Variants in RALGPS1 observed in about 807,000 individuals in gnomAD.
RALGPS1 encodes the protein ras-specific guanine nucleotide-releasing factor RalGPS1.
In RALGPS1, 19 loss-of-function variants were observed where a neutral mutation model predicts 78.8. The observed-to-expected ratio is 0.24, with a 90% confidence interval of 0.17 to 0.35. RALGPS1 has a LOEUF of 0.35. Ranked by LOEUF, RALGPS1 falls within the 10% of genes least tolerant of loss-of-function variation. RALGPS1 has a pLI of 1.00. For missense variants in RALGPS1, 454 were observed against 688.3 expected (o/e 0.66, Z 3.81); for synonymous variants, 228 against 256.3 (o/e 0.89, Z 1.06).
chr9:126,921,097 C>G (rs952627982), intron 1 of RALGPS1, among the ~76,000 whole-genome samples: 1 of 152,320 alleles, frequency 6.6e-6, no homozygotes, highest in Middle Eastern at 3.4e-3. Flanking sequence ...ACAGAGTGCT[C>G]ACTATTGTAA....
At chr9:127,156,851 C>T (rs1051907853) in intron 8 of RALGPS1, among the ~76,000 whole-genome samples, 2 of 151,792 alleles carry the variant, frequency 1.3e-5, no homozygotes, top group African/African-American at 2.4e-5. Context: ...TTCAAGTACT[C>T]GTATTATTTA....
chr9:126,947,597 A>G lies in RALGPS1; in HGVS notation c.-65-14628A>G, dbSNP rs547722604. ...AAGTGGATGTTGGCCAGGTCAAGCA[A>G]CTGGCCAAGGGCACAAAGTAAGTGA... On this transcript the variant is annotated intron_variant, in intron 1 of 18. Transcript: ENST00000259351. 3.9e-5 allele frequency among the ~76,000 whole-genome samples: 6 copies of G among 152,334 alleles called. No homozygotes were observed. In the East Asian group the frequency reaches 1.2e-3, roughly 29 times the overall value.
At chr9:126,976,264 T>A (rs1039088535) in intron 3 of RALGPS1, among the ~76,000 whole-genome samples, 1 of 151,942 alleles carries the variant, frequency 6.6e-6, no homozygotes, top group Non-Finnish European at 1.5e-5. Flanking sequence ...CCCATCTGTG[T>A]GGCTTCCATT....
chr9:126,966,044 T>C, intron 3 of RALGPS1, 93 bp downstream of exon 3: 1 of 880,504 alleles, frequency 1.1e-6, no homozygotes, highest in South Asian at 1.4e-5. Context: ...ATTGGAAACA[T>C]TCTATATGCC....
intron 8 of RALGPS1, among the ~76,000 whole-genome samples, chr9:127,100,068 G>T (rs2053566137): frequency 6.6e-6 from 1 of 152,120 alleles, no homozygotes; most frequent in Non-Finnish European, 1.5e-5. Context: ...GTTAAATTTT[G>T]TCTTCATGAA....
chr9:127,035,755 T>A (rs1217884242), intron 5 of RALGPS1, among the ~76,000 whole-genome samples: 4 of 152,096 alleles, frequency 2.6e-5, no homozygotes, highest in Non-Finnish European at 5.9e-5. Flanking sequence ...TATTATTTGA[T>A]GAGATATAGT....
chr9:127,196,436 A>G, intron 12 of RALGPS1, 38 bp from the exon 13 acceptor site: 1 of 1,589,248 alleles, frequency 6.3e-7, no homozygotes, highest in Non-Finnish European at 8.6e-7. Flanking sequence ...CTCCATAGAT[A>G]AGGAGCTTTG....
intron 18 of RALGPS1, chr9:127,216,950 G>A (rs2062621508): frequency 1.9e-6 from 3 of 1,547,850 alleles, no homozygotes; most frequent in African/African-American, 2.7e-5. Context: ...ACAGCCACGA[G>A]GTGGACCACC....
chr9:127,167,488 TC>T (rs2059353994), intron 9 of RALGPS1, among the ~76,000 whole-genome samples: 1 of 152,172 alleles, frequency 6.6e-6, no homozygotes, highest in African/African-American at 2.4e-5. Flanking sequence ...AGTCACTTTC[TC>T]CCCTTGAAGG....
intron 1 of RALGPS1, among the ~76,000 whole-genome samples, chr9:126,944,453 G>C (rs540164628): frequency 7.2e-5 from 11 of 152,106 alleles, no homozygotes; most frequent in African/African-American, 2.7e-4. Context: ...TGGCCCACAC[G>C]TAACAGGTGT....
intron 5 of RALGPS1, among the ~76,000 whole-genome samples, chr9:127,037,109 A>G (rs1266783463): frequency 1.3e-5 from 2 of 152,232 alleles, no homozygotes; most frequent in Non-Finnish European, 2.9e-5. Flanking sequence ...TTGAAGACTA[A>G]ACAAGAATCA....
intron 4 of RALGPS1, among the ~76,000 whole-genome samples, chr9:126,993,062 T>A (rs558987596): frequency 7.2e-5 from 11 of 152,374 alleles, no homozygotes; most frequent in Non-Finnish European, 1.0e-4. Context: ...ATTCCTAATT[T>A]ACTAAGAGTT....
intron 4 of RALGPS1, among the ~76,000 whole-genome samples, chr9:127,021,185 T>C (rs932491069): frequency 2.6e-5 from 4 of 151,992 alleles, no homozygotes; most frequent in African/African-American, 9.7e-5. Flanking sequence ...CCCAGGAGTT[T>C]AAGGCCAGCC....
intron 4 of RALGPS1, among the ~76,000 whole-genome samples, chr9:127,030,473 A>G (rs141667067): frequency 1.3e-5 from 2 of 152,192 alleles, no homozygotes; most frequent in African/African-American, 4.8e-5. Context: ...CGGCCGGTGA[A>G]GGGGCGCTAA....
intron 8 of RALGPS1, among the ~76,000 whole-genome samples, chr9:127,075,578 C>T (rs1431441950): frequency 6.6e-6 from 1 of 152,210 alleles, no homozygotes; most frequent in Non-Finnish European, 1.5e-5. Context: ...GAAAGTACAA[C>T]ATAGGAAAAA....
chr9:127,079,416 G>T (rs2050969726), intron 8 of RALGPS1, among the ~76,000 whole-genome samples: 1 of 152,208 alleles, frequency 6.6e-6, no homozygotes, highest in Non-Finnish European at 1.5e-5. Context: ...GATGATTTCT[G>T]TTCCCTAGTA....
At chr9:127,098,409 A>G (rs1014202386) in intron 8 of RALGPS1, among the ~76,000 whole-genome samples, 8 of 152,250 alleles carry the variant, frequency 5.3e-5, no homozygotes, top group African/African-American at 1.2e-4. Context: ...CCTCATCTCT[A>G]TAAAGACCAC....
intron 5 of RALGPS1, among the ~76,000 whole-genome samples, chr9:127,039,790 G>A (rs568373140): frequency 5.3e-5 from 8 of 152,234 alleles, no homozygotes; most frequent in Non-Finnish European, 8.8e-5. Context: ...AGGGAAAGGG[G>A]GAAGGAGTGG....
At chr9:127,214,603 C>T (rs2062468263) in intron 17 of RALGPS1, 148 bp from the exon 18 acceptor site, 5 of 1,289,672 alleles carry the variant, frequency 3.9e-6, no homozygotes, top group Non-Finnish European at 5.1e-6. Context: ...GGAGGGAGCC[C>T]TGGAGGCTGC....
Sources: gnomAD v4.1 joint callset for allele counts (sites outside exome capture counted in the v4.1 genomes callset) on GRCh38, gnomAD v4.1.1 for gene constraint, MANE v1.5 for transcripts, NCBI Gene and HGNC (gene_info 2026-07-23, HGNC 2026-07-21) for gene names.